PFKP: variants seen among roughly 807,000 people sequenced by gnomAD.
PFKP encodes ATP-dependent 6-phosphofructokinase, platelet type.
Under a neutral mutation model 94.3 loss-of-function variants are expected in PFKP, and 101 were observed. That is an observed-to-expected ratio of 1.07 (90% CI 0.91 to 1.26). The LOEUF is 1.26. PFKP is among the 50% of genes most tolerant of loss of function. PFKP has a pLI of 0.00. For synonymous variants in PFKP, 573 were observed against 432.6 expected, an observed-to-expected ratio of 1.32 and a Z score of -4.03; for missense variants, 1,145 against 1,103.3, an observed-to-expected ratio of 1.04 and a Z score of -0.53.
At position 3,113,406 on chromosome 10, in the gene PFKP, C is replaced by T; in HGVS notation, c.1259C>T (p.Ala420Val). 2 of 1,598,536 alleles carry T rather than the reference C, an allele frequency of 1.3e-6. No individual in the cohort carries two copies. Among genetic ancestry groups the T allele is most frequent in the South Asian group, 1.1e-5 (1 of 89,440 alleles). The change falls in exon 13 of 22, where the codon GCA becomes GTA. Residue 420 changes from alanine to valine, a missense_variant. This residue lies in a region of PFKP where 1,119 missense variants were observed against 1,062.8 expected (regional missense o/e 1.05). Coordinates refer to ENST00000381125, the MANE Select transcript of PFKP (RefSeq NM_002627.5). ...AACGTAGCTGTCATCAACGTGGGGG[C>T]ACCCGCGGCTGGGATGAACGCAGCC... ...NCNVAVINVG[A>V]PAAGMNAAVR... is the part of the protein sequence containing the mutation.
chr10:3,135,754 A>G lies in PFKP; in HGVS notation c.2141A>G (p.Asp714Gly). ...ARGRGKKFTTDDSICVLGISK... is the reference protein window; with the variant it reads ...ARGRGKKFTTGDSICVLGISK... ...TTTATAGGAAAAAAATTTACCACCG[A>G]TGATTCCATTTGTGTGCTGGGAATA... Residue 714 changes from aspartate (D) to glycine (G), a missense_variant, in exon 21 of 22, where the codon GAT becomes GGT. Physicochemically the swap from Asp to Gly is moderately conservative, Grantham distance 94 (BLOSUM62 -1). Coordinates refer to ENST00000381125, the MANE Select transcript of PFKP (RefSeq NM_002627.5). 3 of 1,611,690 alleles carry G rather than the reference A, an allele frequency of 1.9e-6. No homozygotes were observed. The highest frequency in any genetic ancestry group is 2.2e-5 in the East Asian group (1 of 44,872).
In PFKP at chr10:3,115,407, A is replaced by AC. The variant is rs1836711752; in HGVS notation, c.1372-1369_1372-1368insC. 2.6e-5 allele frequency among the ~76,000 whole-genome samples: 2 copies of AC among 77,408 alleles called. 1 individual carries two copies. Among genetic ancestry groups the AC allele is most frequent in the Non-Finnish European group, 6.4e-5 (2 of 31,188 alleles). The allele number at this position is 77,408 out of a possible 152,430, so 50.8% of individuals were successfully genotyped here. ...GAACAGGACTGGGGATGCCGGGGTGAAGGTGTGTGTCCCGCCATGGAGGAC... is the reference window on the plus strand; with the variant it reads ...GAACAGGACTGGGGATGCCGGGGTGACAGGTGTGTGTCCCGCCATGGAGGAC... On this transcript the variant is annotated intron_variant, in intron 13 of 21. Transcript: ENST00000381125.
intron 16 of PFKP, 192 bp from the exon 17 acceptor site, chr10:3,129,627 C>CG: frequency 1.6e-6 from 1 of 615,346 alleles, no homozygotes; most frequent in Non-Finnish European, 2.8e-6. Flanking sequence ...GGTGGGGTTG[C>CG]GGGGGACCAC....
intron 14 of PFKP, among the ~76,000 whole-genome samples, chr10:3,118,498 CTTAATT>C (rs1403941724): frequency 6.6e-6 from 1 of 152,140 alleles, no homozygotes; most frequent in African/African-American, 2.4e-5. Flanking sequence ...ATTATAACTT[CTTAATT>C]TTATTTTTTC....
intron 16 of PFKP, among the ~76,000 whole-genome samples, chr10:3,124,333 G>T (rs186581793): frequency 6.6e-6 from 1 of 152,204 alleles, no homozygotes; most frequent in East Asian, 1.9e-4. Flanking sequence ...AACAGTGGGC[G>T]TGTGGACCTG....
chr10:3,133,387 A>C (rs1838830711), intron 19 of PFKP, 73 bp downstream of exon 19: 3 of 976,306 alleles, frequency 3.1e-6, no homozygotes, highest in South Asian at 1.3e-5. Context: ...GTCTTATTTT[A>C]GCCATTGTGG....
intron 17 of PFKP, 37 bp from the exon 18 acceptor site, chr10:3,132,337 TAGTAGA>T (rs775165990): frequency 1.4e-6 from 2 of 1,402,914 alleles, no homozygotes; most frequent in Non-Finnish European, 2.0e-6. Flanking sequence ...AGTAGGTACT[TAGTAGA>T]AGTTTATTGT....
intron 1 of PFKP, among the ~76,000 whole-genome samples, chr10:3,076,500 G>C (rs78640194): frequency 0.039 from 6,003 of 152,126 alleles, 183 homozygotes; most frequent in South Asian, 0.062. Flanking sequence ...AGGTCTGCAG[G>C]CTCTCCGATT....
At chr10:3,126,933 C>T (rs1425900601) in intron 16 of PFKP, among the ~76,000 whole-genome samples, 1 of 152,244 alleles carries the variant, frequency 6.6e-6, no homozygotes, top group African/African-American at 2.4e-5. Context: ...CTTTGCCTGA[C>T]AAGTGCCACT....
At chr10:3,080,818 C>G (rs1254399118) in intron 1 of PFKP, among the ~76,000 whole-genome samples, 1 of 152,048 alleles carries the variant, frequency 6.6e-6, no homozygotes, top group Non-Finnish European at 1.5e-5. Context: ...GTCAGGGAGT[C>G]GGGGGTAATG....
chr10:3,077,476 C>G (rs1832708070), intron 1 of PFKP, among the ~76,000 whole-genome samples: 1 of 151,716 alleles, frequency 6.6e-6, no homozygotes, highest in Non-Finnish European at 1.5e-5. Context: ...CCCTGTTAGC[C>G]AGGATGGTCT....
At chr10:3,136,347 C>G (rs781536005) in intron 21 of PFKP, 103 bp from the exon 22 acceptor site, 8 of 1,226,708 alleles carry the variant, frequency 6.5e-6, no homozygotes, top group South Asian at 1.3e-5. Context: ...GCCGACCCTA[C>G]AAACCCTGTG....
chr10:3,135,440 G>A (rs1272123207), intron 20 of PFKP, among the ~76,000 whole-genome samples: 9 of 123,888 alleles, frequency 7.3e-5, no homozygotes, highest in Admixed American at 7.0e-4. Context: ...GCATAAATTA[G>A]TGTCCTGTAA....
chr10:3,120,674 T>C (rs1158293027), intron 16 of PFKP, among the ~76,000 whole-genome samples: 1 of 152,172 alleles, frequency 6.6e-6, no homozygotes, highest in African/African-American at 2.4e-5. Context: ...CTTTTTTTCT[T>C]TGTGGGACGG....
chr10:3,091,164 C>T (rs1034451856), intron 2 of PFKP, among the ~76,000 whole-genome samples: 8 of 152,286 alleles, frequency 5.3e-5, no homozygotes, highest in African/African-American at 1.4e-4. Flanking sequence ...GAGGGTTTGC[C>T]AGTTAACCCA....
At chr10:3,112,860 A>T (rs35455312) in intron 11 of PFKP, among the ~76,000 whole-genome samples, 105,622 of 151,932 alleles carry the variant, frequency 0.7, 37,490 homozygotes, top group East Asian at 0.93. Flanking sequence ...GAGCCACCGC[A>T]CGCATGTCTT....
At position 3,113,554 on chromosome 10, in the gene PFKP, C is replaced by T. The variant is rs757245304; in HGVS notation, c.1371+36C>T. 7.5e-6 allele frequency: 12 copies of T among 1,601,542 alleles called. No homozygotes were observed. In the East Asian group the frequency reaches 1.8e-4, roughly 24 times the overall value. ...CAGGATGCCGTAGGCAGGCAGACAC[C>T]CTGGCTGTGAGCACAGTGGACGTGG... On this transcript the variant is annotated intron_variant, in intron 13 of 21. Transcript: ENST00000381125.
At chr10:3,108,631 A>G (rs1164627953) in intron 8 of PFKP, 70 bp from the exon 9 acceptor site, 2 of 1,127,132 alleles carry the variant, frequency 1.8e-6, no homozygotes, top group African/African-American at 3.0e-5. Context: ...AGTGCCCAGT[A>G]CCTCCTTCCA....
intron 1 of PFKP, among the ~76,000 whole-genome samples, chr10:3,071,272 A>C (rs578156756): frequency 6.6e-6 from 1 of 152,086 alleles, no homozygotes; most frequent in South Asian, 2.1e-4. Context: ...AGTAGAGTGT[A>C]TATTATTTAA....
Sources: gnomAD v4.1 joint callset for allele counts (sites outside exome capture counted in the v4.1 genomes callset) on GRCh38, gnomAD v4.1.1 for gene constraint, gnomAD v4.1.1 regional missense constraint, MANE v1.5 for transcripts, NCBI Gene and HGNC (gene_info 2026-07-23, HGNC 2026-07-21) for gene names.